Variants in FTO observed in about 807,000 individuals in gnomAD.
FTO encodes FTO alpha-ketoglutarate dependent dioxygenase.
FTO carries 47 observed loss-of-function variants against 63.9 expected under a neutral mutation model. That is an observed-to-expected ratio of 0.74 (90% confidence interval 0.58 to 0.94). FTO has a LOEUF of 0.94. Among genes scored for constraint, FTO ranks in the 40% least tolerant of loss-of-function variants. The probability of loss-of-function intolerance (pLI) is 0.00; values close to 1 mark genes in which losing one functional copy is unlikely to be tolerated. For synonymous variants in FTO, 207 were observed against 224.4 expected (o/e 0.92, Z 0.69); for missense variants, 562 against 618.1 (o/e 0.91, Z 0.96).
At chr16:54,107,037 A>G (rs1252401650) in intron 8 of FTO, among the ~76,000 whole-genome samples, 1 of 146,588 alleles carries the variant, frequency 6.8e-6, no homozygotes, top group African/African-American at 2.5e-5. Context: ...AATAAAGTAT[A>G]TAGTATAAAA....
chr16:53,925,723 C>G (rs2143084720), intron 7 of FTO, among the ~76,000 whole-genome samples: 1 of 152,244 alleles, frequency 6.6e-6, no homozygotes, highest in Non-Finnish European at 1.5e-5. Context: ...TGGTTCCTCT[C>G]TGAAAACCCT....
intron 8 of FTO, among the ~76,000 whole-genome samples, chr16:54,089,477 A>G (rs708254): frequency 0.62 from 94,762 of 151,962 alleles, 30,623 homozygotes; most frequent in African/African-American, 0.8. Flanking sequence ...TCATATCTGC[A>G]TCTTATAAAA....
chr16:53,918,232 G>A (rs2151951416), intron 7 of FTO, among the ~76,000 whole-genome samples: 1 of 152,258 alleles, frequency 6.6e-6, no homozygotes, highest in South Asian at 2.1e-4. Context: ...TGTTGTTGTT[G>A]TGTGAACATC....
intron 8 of FTO, among the ~76,000 whole-genome samples, chr16:54,089,203 G>C (rs2086321322): frequency 6.6e-6 from 1 of 152,142 alleles, no homozygotes; most frequent in Non-Finnish European, 1.5e-5. Context: ...CACAAGTAGA[G>C]AATGGAAACT....
intron 8 of FTO, among the ~76,000 whole-genome samples, chr16:54,009,498 G>A (rs1011222830): frequency 1.3e-5 from 2 of 152,146 alleles, no homozygotes; most frequent in Non-Finnish European, 2.9e-5. Flanking sequence ...CCTATAAACG[G>A]ATCAAGAAAA....
At chr16:54,087,748 G>C (rs1370210274) in intron 8 of FTO, among the ~76,000 whole-genome samples, 1 of 152,200 alleles carries the variant, frequency 6.6e-6, no homozygotes, top group Non-Finnish European at 1.5e-5. Flanking sequence ...AGTGAGCTAT[G>C]ATCACGCCAC....
At chr16:53,895,588 G>C (rs1177525614) in intron 7 of FTO, among the ~76,000 whole-genome samples, 4 of 152,308 alleles carry the variant, frequency 2.6e-5, no homozygotes, top group Middle Eastern at 3.4e-3. Context: ...CTTAAAGACA[G>C]AGGTGTTGAA....
At chr16:53,749,675 G>A (rs555168651) in intron 1 of FTO, among the ~76,000 whole-genome samples, 41 of 151,808 alleles carry the variant, frequency 2.7e-4, no homozygotes, top group African/African-American at 9.4e-4. Flanking sequence ...TCCTGACCTC[G>A]TGATCCGCCC....
At chr16:53,994,762 C>T (rs13335576) in intron 8 of FTO, among the ~76,000 whole-genome samples, 1,754 of 151,628 alleles carry the variant, frequency 0.012, 30 homozygotes, top group African/African-American at 0.04. Context: ...GAGACAAGGT[C>T]TCGCTCTGTT....
At chr16:53,909,532 CTTTTTT>C (rs58121446) in intron 7 of FTO, among the ~76,000 whole-genome samples, 1,957 of 71,092 alleles carry the variant, frequency 0.028, 19 homozygotes, top group African/African-American at 0.043. Flanking sequence ...AGAGCCCCGC[CTTTTTT>C]TTTTTTTTTT....
chr16:53,711,178 T>C (rs1387239090), intron 1 of FTO, among the ~76,000 whole-genome samples: 1 of 152,160 alleles, frequency 6.6e-6, no homozygotes, highest in Non-Finnish European at 1.5e-5. Flanking sequence ...TATATATATA[T>C]GTATTCTGAT....
intron 6 of FTO, among the ~76,000 whole-genome samples, chr16:53,880,624 C>T (rs185278910): frequency 3.4e-4 from 51 of 152,232 alleles, no homozygotes; most frequent in Admixed American, 9.8e-4. Flanking sequence ...AGACTTGTTT[C>T]GTGATTCATA....
chr16:54,037,049 A>G (rs1225936389), intron 8 of FTO, among the ~76,000 whole-genome samples: 1 of 152,222 alleles, frequency 6.6e-6, no homozygotes, highest in African/African-American at 2.4e-5. Flanking sequence ...CGTGACCAAA[A>G]AGATGGTTAC....
chr16:53,823,330 G>A (rs922114248), intron 2 of FTO, among the ~76,000 whole-genome samples: 7 of 152,126 alleles, frequency 4.6e-5, no homozygotes, highest in Non-Finnish European at 1.0e-4. Context: ...CTTCTGCTGC[G>A]ACTCAGGAAA....
intron 8 of FTO, among the ~76,000 whole-genome samples, chr16:54,007,692 C>T (rs1201347901): frequency 7.9e-5 from 12 of 152,176 alleles, no homozygotes; most frequent in African/African-American, 2.7e-4. Context: ...GGGACAGTGG[C>T]AGACAGCCAT....
intron 8 of FTO, among the ~76,000 whole-genome samples, chr16:54,073,821 A>T (rs2085925695): frequency 6.6e-6 from 1 of 152,180 alleles, no homozygotes; most frequent in Non-Finnish European, 1.5e-5. Context: ...GATTTAAAGA[A>T]TAAAAATTTA....
chr16:53,796,055 T>TC (rs2078061668), intron 1 of FTO, among the ~76,000 whole-genome samples: 1 of 150,652 alleles, frequency 6.6e-6, no homozygotes, highest in Non-Finnish European at 1.5e-5. Flanking sequence ...CTTTCTTTTT[T>TC]TTTTTTTTTT....
chr16:53,789,414 A>C (rs2077834992), intron 1 of FTO, among the ~76,000 whole-genome samples: 1 of 152,152 alleles, frequency 6.6e-6, no homozygotes, highest in African/African-American at 2.4e-5. Flanking sequence ...GCCTAGAAAA[A>C]CTTGACCGTT....
At chr16:54,090,974 G>A (rs145478584) in intron 8 of FTO, among the ~76,000 whole-genome samples, 5 of 152,266 alleles carry the variant, frequency 3.3e-5, no homozygotes, top group African/African-American at 9.6e-5. Flanking sequence ...CTTACATGGC[G>A]GCTCAAGACA....
Sources: gnomAD v4.1 joint callset for allele counts (sites outside exome capture counted in the v4.1 genomes callset) on GRCh38, gnomAD v4.1.1 for gene constraint, MANE v1.5 for transcripts, NCBI Gene and HGNC (gene_info 2026-07-23, HGNC 2026-07-21) for gene names.